The following HPSE2 variants were observed in gnomAD, a reference collection of about 807,000 sequenced individuals.
HPSE2 encodes the protein heparanase 2 (inactive).
A neutral mutation model predicts 60.5 loss-of-function variants in HPSE2; 38 were observed. The ratio of observed to expected loss-of-function variants is 0.63; its 90% CI spans 0.48 to 0.82. HPSE2 has a LOEUF of 0.82. HPSE2 is among the 40% of genes least tolerant of loss of function. The pLI is 0.00. For missense variants in HPSE2, 713 were observed against 740.4 expected (o/e 0.96, Z 0.43); for synonymous variants, 295 against 293.2 (o/e 1.01, Z -0.06).
chr10:99,203,190 AACAGGCCAGCCCCCAGAGACTCAGACT>A (rs1434174182), intron 2 of HPSE2, among the ~76,000 whole-genome samples: 2 of 151,974 alleles, frequency 1.3e-5, no homozygotes, highest in African/African-American at 2.4e-5. Context: ...CAACCCCAGC[AACAGGCCAGCCCCCAGAGACTCAGACT>A]ACAGGCCAGC....
At chr10:98,532,027 G>A (rs1943146299) in intron 9 of HPSE2, among the ~76,000 whole-genome samples, 2 of 152,178 alleles carry the variant, frequency 1.3e-5, no homozygotes, top group East Asian at 1.9e-4. Flanking sequence ...AGCCCCAGAA[G>A]GTCCTTATTT....
chr10:99,228,558 AG>A (rs958806165), intron 2 of HPSE2, among the ~76,000 whole-genome samples: 19 of 152,348 alleles, frequency 1.2e-4, no homozygotes, highest in African/African-American at 4.3e-4. Flanking sequence ...CCTTGTTGAG[AG>A]CAGGTAAAGC....
At chr10:99,086,469 C>T (rs530278945) in intron 3 of HPSE2, among the ~76,000 whole-genome samples, 163 of 147,452 alleles carry the variant, frequency 1.1e-3, no homozygotes, top group Non-Finnish European at 1.8e-3. Flanking sequence ...TCTCCTGCCT[C>T]AGCCTCCCAA....
At chr10:99,194,918 A>C (rs549137154) in intron 2 of HPSE2, among the ~76,000 whole-genome samples, 1 of 152,124 alleles carries the variant, frequency 6.6e-6, no homozygotes, top group African/African-American at 2.4e-5. Flanking sequence ...TGATACCAAA[A>C]CCAGACATAT....
chr10:99,114,329 T>C (rs1385988000), intron 3 of HPSE2, among the ~76,000 whole-genome samples: 1 of 152,240 alleles, frequency 6.6e-6, no homozygotes, highest in Non-Finnish European at 1.5e-5. Flanking sequence ...AAAATTCCTT[T>C]TTATTCAATG....
intron 7 of HPSE2, among the ~76,000 whole-genome samples, chr10:98,630,229 G>A (rs1191288974): frequency 1.4e-4 from 20 of 139,798 alleles, no homozygotes; most frequent in African/African-American, 5.1e-4. Context: ...ACAGAGTCTC[G>A]CTCTGTCACC....
intron 3 of HPSE2, among the ~76,000 whole-genome samples, chr10:99,004,221 A>G (rs1956841863): frequency 6.6e-6 from 1 of 152,080 alleles, no homozygotes; most frequent in South Asian, 2.1e-4. Flanking sequence ...ATTTTAATAG[A>G]AGAATTCAAT....
At position 98,459,224 on chromosome 10, in the gene HPSE2, G is replaced by A. The variant is rs541319991; in HGVS notation, c.*350C>T. The stretch of plus-strand genomic sequence containing the variant: ...TAAGGTTTGGATTTGTGGTTATAAT[G>A]CTGTGTGACAGGATCATGGGGAGTT... On this transcript the variant is annotated 3_prime_UTR_variant, in exon 12 of 12. Transcript: ENST00000370552. 3.0e-6 allele frequency: 1 copy of A among 335,960 alleles called. No individual in the cohort carries two copies. Among genetic ancestry groups the A allele is most frequent in the Admixed American group, 3.9e-5 (1 of 25,848 alleles). 20.8% of individuals were successfully genotyped at this position (335,960 alleles called of 1,614,324 possible).
the HPSE2 span, among the ~76,000 whole-genome samples, chr10:99,253,570 T>C: frequency 3.3e-5 from 5 of 152,040 alleles, no homozygotes; most frequent in Non-Finnish European, 7.4e-5. Context: ...ACTTAAGCCC[T>C]GAAAAGCAAC....
intron 3 of HPSE2, among the ~76,000 whole-genome samples, chr10:99,025,610 G>T (rs1957361010): frequency 6.6e-6 from 1 of 152,006 alleles, no homozygotes; most frequent in Non-Finnish European, 1.5e-5. Flanking sequence ...ACAAAAAACT[G>T]AATACCACAT....
chr10:99,095,961 T>C (rs1005221186), intron 3 of HPSE2, among the ~76,000 whole-genome samples: 7 of 152,196 alleles, frequency 4.6e-5, no homozygotes, highest in Non-Finnish European at 1.0e-4. Context: ...TCTTACCTTA[T>C]GGTGAAATCT....
intron 3 of HPSE2, among the ~76,000 whole-genome samples, chr10:98,766,352 A>G (rs1398359367): frequency 1.3e-5 from 2 of 152,240 alleles, no homozygotes; most frequent in African/African-American, 2.4e-5. Context: ...CCAATTCTAC[A>G]TCAGTAAACA....
At chr10:98,593,726 T>C (rs1443824957) in intron 9 of HPSE2, among the ~76,000 whole-genome samples, 1 of 152,148 alleles carries the variant, frequency 6.6e-6, no homozygotes, top group South Asian at 2.1e-4. Flanking sequence ...TCTGGGTAAA[T>C]TACCTACATT....
At chr10:98,801,412 T>C (rs1359364136) in intron 3 of HPSE2, among the ~76,000 whole-genome samples, 2 of 151,848 alleles carry the variant, frequency 1.3e-5, no homozygotes, top group African/African-American at 4.8e-5. Context: ...AAGAAAGAAG[T>C]CAAATTTCCT....
intron 3 of HPSE2, among the ~76,000 whole-genome samples, chr10:98,962,732 G>A (rs997316019): frequency 5.3e-5 from 8 of 149,708 alleles, no homozygotes; most frequent in Non-Finnish European, 1.0e-4. Flanking sequence ...CTTCAGCAAA[G>A]TCTCAGGATA....
chr10:98,700,678 A>C (rs867771103), intron 5 of HPSE2, among the ~76,000 whole-genome samples: 693 of 68,074 alleles, frequency 0.01, 113 homozygotes, highest in African/African-American at 0.022. Flanking sequence ...TCTGCACAGC[A>C]AAAGAAACTA....
chr10:98,892,427 T>G (rs1423033799), intron 3 of HPSE2, among the ~76,000 whole-genome samples: 1 of 152,208 alleles, frequency 6.6e-6, no homozygotes, highest in Non-Finnish European at 1.5e-5. Context: ...CAAGTCCACC[T>G]TCTACTTAAC....
intron 3 of HPSE2, among the ~76,000 whole-genome samples, chr10:98,951,953 G>A (rs1264936344): frequency 1.3e-5 from 2 of 152,202 alleles, no homozygotes; most frequent in Non-Finnish European, 1.5e-5. Flanking sequence ...AGGAGGTAAT[G>A]TGACTTGCCT....
chr10:99,055,685 C>T (rs1958096707), intron 3 of HPSE2, among the ~76,000 whole-genome samples: 1 of 152,012 alleles, frequency 6.6e-6, no homozygotes, highest in Non-Finnish European at 1.5e-5. Context: ...TAGATAATCT[C>T]CTAGTAGTTA....
Sources: gnomAD v4.1 joint callset for allele counts (sites outside exome capture counted in the v4.1 genomes callset) on GRCh38, gnomAD v4.1.1 for gene constraint, MANE v1.5 for transcripts, NCBI Gene and HGNC (gene_info 2026-07-23, HGNC 2026-07-21) for gene names.